The following SAMMSON variants were observed in gnomAD, a reference collection of about 807,000 sequenced individuals.
SAMMSON encodes long intergenic non-protein coding RNA 1212.
chr3:70,400,096 A>G (rs763460973), intron 2 of SAMMSON, among the ~76,000 whole-genome samples: 2 of 152,134 alleles, frequency 1.3e-5, no homozygotes, highest in African/African-American at 2.4e-5. Context: ...TATAATTGGA[A>G]CATGAAACTC....
intron 3 of SAMMSON, among the ~76,000 whole-genome samples, chr3:70,043,597 A>G (rs1297931691): frequency 6.6e-6 from 1 of 152,060 alleles, no homozygotes; most frequent in Non-Finnish European, 1.5e-5. Context: ...GGGTACCAGT[A>G]GTTTTTTCTC....
chr3:70,197,301 A>T (rs1427605388), intron 4 of SAMMSON: 9 of 397,010 alleles, frequency 2.3e-5, no homozygotes, highest in Non-Finnish European at 4.0e-5. Context: ...ATTTATCCAC[A>T]TTAGGGGTAA....
chr3:70,006,489 T>C (rs1372172195), intron 1 of SAMMSON, among the ~76,000 whole-genome samples: 3 of 152,150 alleles, frequency 2.0e-5, no homozygotes, highest in Non-Finnish European at 4.4e-5. Context: ...GACCTACAGC[T>C]AATGAGAGGT....
intron 3 of SAMMSON, among the ~76,000 whole-genome samples, chr3:70,039,592 TTCACACAC>T (rs2067098740): frequency 1.1e-5 from 1 of 90,078 alleles, no homozygotes; most frequent in Non-Finnish European, 2.2e-5. Context: ...AACACATCTC[TTCACACAC>T]ACACACACAC....
intron 4 of SAMMSON, among the ~76,000 whole-genome samples, chr3:70,190,824 G>A (rs1012155319): frequency 1.3e-5 from 2 of 152,034 alleles, no homozygotes; most frequent in Non-Finnish European, 2.9e-5. Context: ...ACCTCCCAGG[G>A]GCAGTTTTAC....
At chr3:70,045,068 ATT>A (rs1491497171) in intron 3 of SAMMSON, among the ~76,000 whole-genome samples, 14 of 91,918 alleles carry the variant, frequency 1.5e-4, no homozygotes, top group African/African-American at 5.7e-4. Context: ...TATAATATAT[ATT>A]ATAATTAATA....
chr3:70,343,560 T>C (rs1702727974), intron 7 of SAMMSON, among the ~76,000 whole-genome samples: 1 of 152,192 alleles, frequency 6.6e-6, no homozygotes, highest in Admixed American at 6.5e-5. Context: ...ACAGTGTGAT[T>C]CTTCTCACAT....
intron 4 of SAMMSON, chr3:70,126,695 G>GTTTTGT (rs960274516): frequency 3.7e-4 from 96 of 259,116 alleles, no homozygotes; most frequent in African/African-American, 2.0e-3. Flanking sequence ...AAGAAGTTAG[G>GTTTTGT]TTTTGTTTTT....
intron 4 of SAMMSON, among the ~76,000 whole-genome samples, chr3:70,135,162 T>C (rs2067500568): frequency 6.6e-6 from 1 of 152,176 alleles, no homozygotes; most frequent in Non-Finnish European, 1.5e-5. Context: ...ACCTATGGTC[T>C]TATTGGTTTT....
intron 4 of SAMMSON, chr3:70,206,658 G>C (rs1701293561): frequency 2.5e-6 from 1 of 397,744 alleles, no homozygotes; most frequent in Non-Finnish European, 4.4e-6. Context: ...TGATGTGCTG[G>C]ATTCTGACAG....
chr3:70,258,512 A>G (rs1457492277), intron 6 of SAMMSON, among the ~76,000 whole-genome samples: 2 of 152,194 alleles, frequency 1.3e-5, no homozygotes, highest in African/African-American at 4.8e-5. Context: ...TAGACTATCC[A>G]GTCACATGAG....
At chr3:70,210,312 A>T (rs939160546) in intron 4 of SAMMSON, among the ~76,000 whole-genome samples, 3 of 152,078 alleles carry the variant, frequency 2.0e-5, no homozygotes, top group African/African-American at 7.2e-5. Context: ...AAGTTATTTT[A>T]ATTCTATATC....
At chr3:70,130,966 T>C (rs915776676) in intron 4 of SAMMSON, among the ~76,000 whole-genome samples, 1 of 152,148 alleles carries the variant, frequency 6.6e-6, no homozygotes, top group Non-Finnish European at 1.5e-5. Context: ...TTGGGATAGT[T>C]TATTATTCAA....
chr3:70,394,341 G>A (rs958867043), downstream of SAMMSON, among the ~76,000 whole-genome samples: 1 of 152,076 alleles, frequency 6.6e-6, no homozygotes, highest in Non-Finnish European at 1.5e-5. Flanking sequence ...GTATTGTCTA[G>A]GTAATAGCTC....
At chr3:70,377,895 A>G (rs1703033865) in intron 9 of SAMMSON, among the ~76,000 whole-genome samples, 1 of 152,054 alleles carries the variant, frequency 6.6e-6, no homozygotes, top group African/African-American at 2.4e-5. Context: ...TTTCATTAAT[A>G]TCAATGTGAT....
chr3:70,280,581 T>C (rs1702072211), intron 6 of SAMMSON, among the ~76,000 whole-genome samples: 1 of 152,146 alleles, frequency 6.6e-6, no homozygotes, highest in South Asian at 2.1e-4. Context: ...TATCCTAAAA[T>C]GAAGGTCTCA....
intron 6 of SAMMSON, among the ~76,000 whole-genome samples, chr3:70,256,499 A>G (rs1316622369): frequency 3.9e-5 from 6 of 152,216 alleles, no homozygotes; most frequent in Admixed American, 3.9e-4. Context: ...CATTTAGTTC[A>G]TTTAGTTCTT....
chr3:70,192,794 A>C (rs746671103), intron 4 of SAMMSON, among the ~76,000 whole-genome samples: 1 of 152,188 alleles, frequency 6.6e-6, no homozygotes, highest in Non-Finnish European at 1.5e-5. Flanking sequence ...CTGAAATTCA[A>C]AGTTGACTCG....
Position 70,365,985 on chromosome 3 carries a change from T to TC in SAMMSON, n.913+7661_913+7662insC, listed in dbSNP as rs1702917573. Among the ~76,000 whole-genome samples, 2 of 18,950 alleles carry TC rather than the reference T, an allele frequency of 1.1e-4. 1 individual carries two copies. The highest frequency in any genetic ancestry group is 2.9e-3 in the South Asian group (2 of 700). 12.4% of individuals were successfully genotyped at this position (18,950 alleles called of 152,430 possible). A position where few individuals can be genotyped will look rare whatever the true frequency, so the allele number is the denominator to read the frequency against. On this transcript the variant is annotated intron_variant and non_coding_transcript_variant, in intron 9 of 9. Coordinates refer to ENST00000642114, the Ensembl canonical transcript of SAMMSON. ...TTTACCTTTTCTTTTTTTTTTTTTT[T>TC]TTTTTTTTTTTTTTTTGAGACGGAG...
Sources: gnomAD v4.1 joint callset for allele counts (sites outside exome capture counted in the v4.1 genomes callset) on GRCh38, gnomAD v4.1.1 for gene constraint, MANE v1.5 for transcripts, NCBI Gene and HGNC (gene_info 2026-07-23, HGNC 2026-07-21) for gene names.